Variants in LRRC7 observed in about 807,000 individuals in gnomAD.
LRRC7 encodes the protein leucine-rich repeat-containing protein 7.
In LRRC7, 23 loss-of-function variants were observed where a neutral mutation model predicts 175.7. That is an observed-to-expected ratio of 0.13 (90% CI 0.09 to 0.19). The LOEUF (loss-of-function observed/expected upper bound fraction) is 0.19. Ranked by LOEUF, LRRC7 falls within the 10% of genes least tolerant of loss-of-function variation. The probability of loss-of-function intolerance (pLI) is 1.00; values close to 1 mark genes in which losing one functional copy is unlikely to be tolerated. For missense variants in LRRC7, 1,354 were observed against 1,904.7 expected (o/e 0.71, Z 5.38); for synonymous variants, 685 against 680.9 (o/e 1.01, Z -0.09).
intron 25 of LRRC7, among the ~76,000 whole-genome samples, chr1:70,092,820 A>T (rs1413959306): frequency 6.6e-6 from 1 of 152,162 alleles, no homozygotes; most frequent in African/African-American, 2.4e-5. Flanking sequence ...AGGAATCAGG[A>T]TTAAGCCAAA....
chr1:69,645,102 A>ACACTAC (rs1477826028), intron 1 of LRRC7, among the ~76,000 whole-genome samples: 1 of 152,038 alleles, frequency 6.6e-6, no homozygotes, highest in Non-Finnish European at 1.5e-5. Flanking sequence ...ATTGTATCAG[A>ACACTAC]AGGTCTAGCC....
rs1400181857 is a variant in LRRC7 at position 69,869,139 on chromosome 1, C to T, written c.647+30856C>T. 5.3e-5 allele frequency among the ~76,000 whole-genome samples: 8 copies of T among 152,050 alleles called. No homozygotes were observed. The East Asian group carries it at 7.7e-4, about 15-fold the overall frequency. ...AACGGGGAGTGATGTGGTTAAATTT[C>T]ATTTGGTAATCATGTGGAGTTTTGA... On this transcript the variant is annotated intron_variant, in intron 7 of 26. Transcript: ENST00000651989.
At position 69,815,989 on chromosome 1, in the gene LRRC7, T is replaced by TTTAC. The variant is rs1557766390; in HGVS notation, c.422-9757_422-9754dup. 3.6e-5 allele frequency among the ~76,000 whole-genome samples: 5 copies of TTTAC among 138,558 alleles called. No homozygotes were observed. In the South Asian group the frequency reaches 6.9e-4, roughly 19 times the overall value. 90.9% of individuals were successfully genotyped at this position (138,558 alleles called of 152,430 possible). ...ATTTATTTATTTATTTATTTATTTATTTACTATTTGAGACCTAGTCTTGCT... is the reference window on the plus strand; with the variant it reads ...ATTTATTTATTTATTTATTTATTTATTTACTTACTATTTGAGACCTAGTCTTGCT... On this transcript the variant is annotated intron_variant, in intron 4 of 26. Transcript: ENST00000651989.
At chr1:70,031,299 T>A (rs1658692067) in intron 18 of LRRC7, 1 of 152,222 alleles carries the variant, frequency 6.6e-6, no homozygotes, top group Non-Finnish European at 1.5e-5. Context: ...ATGACTCTGG[T>A]AACATGTCTG....
intron 7 of LRRC7, among the ~76,000 whole-genome samples, chr1:69,908,568 C>T (rs983281729): frequency 2.6e-5 from 4 of 151,900 alleles, no homozygotes; most frequent in East Asian, 1.9e-4. Flanking sequence ...TGTAGTTGAG[C>T]GGTTTTGAGT....
At chr1:69,871,329 G>A (rs1372360076) in intron 7 of LRRC7, among the ~76,000 whole-genome samples, 4 of 151,882 alleles carry the variant, frequency 2.6e-5, no homozygotes, top group Admixed American at 2.6e-4. Flanking sequence ...TTTTATTTTT[G>A]AATAATCTAT....
chr1:69,581,003 G>C (rs1646178011), intron 1 of LRRC7, among the ~76,000 whole-genome samples: 1 of 152,182 alleles, frequency 6.6e-6, no homozygotes. Flanking sequence ...TAAATCAGAA[G>C]AGGATGGTAC....
intron 3 of LRRC7, among the ~76,000 whole-genome samples, chr1:69,790,422 G>A (rs1674972711): frequency 6.6e-6 from 1 of 151,958 alleles, no homozygotes; most frequent in Non-Finnish European, 1.5e-5. Context: ...TAATTCTTGA[G>A]CTCACTTCAG....
chr1:70,119,546 A>G (rs1207870245), intron 26 of LRRC7, among the ~76,000 whole-genome samples: 1 of 150,508 alleles, frequency 6.6e-6, no homozygotes, highest in Non-Finnish European at 1.5e-5. Context: ...TTAAGTAATC[A>G]CATTGAGAGC....
intron 7 of LRRC7, among the ~76,000 whole-genome samples, chr1:69,855,143 T>C (rs1683447632): frequency 6.6e-6 from 1 of 152,154 alleles, no homozygotes; most frequent in African/African-American, 2.4e-5. Context: ...CAAAAGAAGC[T>C]TCTCAGAGGT....
chr1:69,952,961 G>C (rs1044593588), intron 8 of LRRC7, among the ~76,000 whole-genome samples: 1 of 137,370 alleles, frequency 7.3e-6, no homozygotes, highest in African/African-American at 2.8e-5. Context: ...GCCTGCCCAT[G>C]CCTTCAGGAA....
At chr1:70,116,665 A>G (rs1228404120) in intron 26 of LRRC7, among the ~76,000 whole-genome samples, 1 of 152,170 alleles carries the variant, frequency 6.6e-6, no homozygotes, top group African/African-American at 2.4e-5. Flanking sequence ...TACAAAAGCA[A>G]TGTAAATTTT....
Position 69,774,301 on chromosome 1 carries a change from A to C in LRRC7, c.303+13908A>C, listed in dbSNP as rs567190671. Reference sequence around the variant, plus strand: ...TTATCCGATGTGCTTTACATTTAGAAATATAATTGCTTGACATTTGACAGA... The same window carrying C: ...TTATCCGATGTGCTTTACATTTAGACATATAATTGCTTGACATTTGACAGA... On this transcript the variant is annotated intron_variant, in intron 3 of 26. Coordinates refer to ENST00000651989, the MANE Select transcript of LRRC7 (RefSeq NM_001370785.2). Among the ~76,000 whole-genome samples, 103 of 152,330 alleles carry C rather than the reference A, an allele frequency of 6.8e-4. 1 individual carries two copies. The highest frequency in any genetic ancestry group is 2.4e-3 in the African/African-American group (99 of 41,572).
chr1:69,753,686 A>G (rs1670096618), intron 2 of LRRC7, among the ~76,000 whole-genome samples: 1 of 152,090 alleles, frequency 6.6e-6, no homozygotes, highest in African/African-American at 2.4e-5. Context: ...ATTTTAATAT[A>G]TCTACTTTAA....
intron 1 of LRRC7, among the ~76,000 whole-genome samples, chr1:69,676,216 T>C (rs146112348): frequency 8.5e-5 from 13 of 152,132 alleles, no homozygotes; most frequent in Non-Finnish European, 1.8e-4. Context: ...TTTTGTGGGA[T>C]GATCCTTTGT....
chr1:69,742,646 G>A (rs975677917), intron 2 of LRRC7, among the ~76,000 whole-genome samples: 37 of 151,792 alleles, frequency 2.4e-4, no homozygotes, highest in African/African-American at 8.5e-4. Context: ...ACTAAATTTT[G>A]CAGTAGCATG....
chr1:69,678,594 G>A (rs113807507), intron 2 of LRRC7, 116 bp downstream of exon 2: 20 of 700,022 alleles, frequency 2.9e-5, no homozygotes, highest in Middle Eastern at 2.6e-4. Flanking sequence ...TTGTTGAGTC[G>A]AGTTGGTCTT....
At chr1:69,689,848 A>T (rs759748289) in intron 2 of LRRC7, among the ~76,000 whole-genome samples, 1 of 152,218 alleles carries the variant, frequency 6.6e-6, no homozygotes, top group Non-Finnish European at 1.5e-5. Flanking sequence ...GTGAAGTTGT[A>T]CTAGGCTGAA....
chr1:69,880,542 C>A (rs1686493185), intron 7 of LRRC7, among the ~76,000 whole-genome samples: 1 of 152,062 alleles, frequency 6.6e-6, no homozygotes, highest in African/African-American at 2.4e-5. Context: ...AACCTCAGGA[C>A]AGAAATTGCC....
Sources: gnomAD v4.1 joint callset for allele counts (sites outside exome capture counted in the v4.1 genomes callset) on GRCh38, gnomAD v4.1.1 for gene constraint, MANE v1.5 for transcripts, NCBI Gene and HGNC (gene_info 2026-07-23, HGNC 2026-07-21) for gene names.